The following SAMD12 variants were observed in gnomAD, a reference collection of about 807,000 sequenced individuals.
SAMD12 encodes the protein sterile alpha motif domain containing 12, also known as sterile alpha motif domain-containing protein 12.
A neutral mutation model predicts 15.0 loss-of-function variants in SAMD12; 9 were observed. That is an observed-to-expected ratio of 0.60 (90% CI 0.36 to 1.05). The LOEUF (loss-of-function observed/expected upper bound fraction) is 1.05, where lower values mean the gene tolerates loss of function less well. Among genes scored for constraint, SAMD12 ranks in the 50% least tolerant of loss-of-function variants. SAMD12 has a pLI of 0.01. For missense variants in SAMD12, 230 were observed against 234.2 expected (o/e 0.98, Z 0.12); for synonymous variants, 86 against 90.1 (o/e 0.96, Z 0.25).
the SAMD12 span, among the ~76,000 whole-genome samples, chr8:118,166,165 G>A: frequency 6.6e-6 from 1 of 152,102 alleles, no homozygotes; most frequent in African/African-American, 2.4e-5. Flanking sequence ...TATTGCTGTA[G>A]CTTCACTTGC....
chr8:118,327,505 T>C (rs1054966668), intron 4 of SAMD12, among the ~76,000 whole-genome samples: 1 of 152,142 alleles, frequency 6.6e-6, no homozygotes, highest in Non-Finnish European at 1.5e-5. Context: ...TGGAGAACAA[T>C]CAGCAGTCTC....
chr8:118,249,053 T>C (rs1323222656), intron 4 of SAMD12, among the ~76,000 whole-genome samples: 1 of 152,268 alleles, frequency 6.6e-6, no homozygotes, highest in East Asian at 1.9e-4. Flanking sequence ...TATTTGCATA[T>C]AACCTACTCA....
chr8:118,528,219 A>T (rs758641204), intron 2 of SAMD12, among the ~76,000 whole-genome samples: 3 of 152,018 alleles, frequency 2.0e-5, no homozygotes, highest in Non-Finnish European at 4.4e-5. Context: ...TTTAGTAGAG[A>T]TGGGGTTTAA....
At chr8:118,240,839 A>G (rs1812546455) in intron 4 of SAMD12, among the ~76,000 whole-genome samples, 2 of 152,150 alleles carry the variant, frequency 1.3e-5, no homozygotes, top group Admixed American at 6.6e-5. Context: ...GGACAAGCCA[A>G]GATTAAAGAG....
intron 4 of SAMD12, among the ~76,000 whole-genome samples, chr8:118,297,918 A>G (rs1586464264): frequency 6.6e-6 from 1 of 152,240 alleles, no homozygotes; most frequent in South Asian, 2.1e-4. Context: ...AAACAGCATT[A>G]TGCATTGTAG....
At chr8:118,546,834 T>C (rs1041731121) in intron 2 of SAMD12, among the ~76,000 whole-genome samples, 1 of 152,128 alleles carries the variant, frequency 6.6e-6, no homozygotes. Context: ...CAGCAAACAC[T>C]TGGTGCCTGG....
intron 4 of SAMD12, among the ~76,000 whole-genome samples, chr8:118,274,798 T>C (rs1308043292): frequency 6.6e-6 from 1 of 152,200 alleles, no homozygotes; most frequent in Non-Finnish European, 1.5e-5. Context: ...GTCCATTTGC[T>C]TTCCTCCTAT....
chr8:118,212,783 GCA>G (rs1811865299), intron 4 of SAMD12, among the ~76,000 whole-genome samples: 1 of 152,320 alleles, frequency 6.6e-6, no homozygotes, highest in Non-Finnish European at 1.5e-5. Context: ...ATGAAGATAT[GCA>G]CAATCACAGG....
At chr8:118,286,674 G>T (rs1814041338) in intron 4 of SAMD12, among the ~76,000 whole-genome samples, 1 of 152,304 alleles carries the variant, frequency 6.6e-6, no homozygotes, top group East Asian at 1.9e-4. Flanking sequence ...GGATTGATCA[G>T]GGGAGGAAGA....
chr8:118,348,663 C>T (rs1245875391), intron 4 of SAMD12, among the ~76,000 whole-genome samples: 1 of 152,210 alleles, frequency 6.6e-6, no homozygotes, highest in Non-Finnish European at 1.5e-5. Context: ...TGAGCCACCG[C>T]ACCCGGCCCG....
chr8:118,484,132 T>C (rs1033197579), intron 2 of SAMD12, among the ~76,000 whole-genome samples: 5 of 152,088 alleles, frequency 3.3e-5, no homozygotes, highest in African/African-American at 1.2e-4. Context: ...TAAGGGAACA[T>C]GGGAGCAGAG....
chr8:118,202,066 T>G (rs575873481), intron 4 of SAMD12, among the ~76,000 whole-genome samples: 59 of 152,330 alleles, frequency 3.9e-4, no homozygotes, highest in African/African-American at 1.3e-3. Context: ...TTTCCCAAGC[T>G]CATTTTCTTC....
the SAMD12 span, among the ~76,000 whole-genome samples, chr8:118,145,057 G>A: frequency 1.3e-5 from 2 of 152,162 alleles, no homozygotes; most frequent in Non-Finnish European, 2.9e-5. Context: ...ATTTTGAAAG[G>A]CTTTTAATGC....
the SAMD12 span, among the ~76,000 whole-genome samples, chr8:118,146,956 A>G: frequency 6.6e-6 from 1 of 152,164 alleles, no homozygotes; most frequent in African/African-American, 2.4e-5. Context: ...GGTGATTGCC[A>G]TTTCCATGCT....
At chr8:118,478,013 CAAA>C (rs10629817) in intron 2 of SAMD12, among the ~76,000 whole-genome samples, 2,916 of 88,244 alleles carry the variant, frequency 0.033, 94 homozygotes, top group African/African-American at 0.12. Context: ...GACCCTGTCT[CAAA>C]AAAAAAAAAA....
intron 4 of SAMD12, among the ~76,000 whole-genome samples, chr8:118,343,566 G>A (rs1009936789): frequency 5.3e-5 from 8 of 152,136 alleles, no homozygotes; most frequent in African/African-American, 1.7e-4. Context: ...TGGGATTAGG[G>A]TGAGCAAATT....
intron 1 of SAMD12, among the ~76,000 whole-genome samples, chr8:118,606,540 G>A (rs1406457397): frequency 6.6e-6 from 1 of 151,754 alleles, no homozygotes; most frequent in Non-Finnish European, 1.5e-5. Context: ...CAGAAAACAT[G>A]CAGATGCCAA....
chr8:118,409,806 G>A (rs1392475688), intron 3 of SAMD12, among the ~76,000 whole-genome samples: 1 of 151,878 alleles, frequency 6.6e-6, no homozygotes, highest in African/African-American at 2.4e-5. Flanking sequence ...GTAAGATAAT[G>A]AAGCTGGCAC....
intron 2 of SAMD12, among the ~76,000 whole-genome samples, chr8:118,509,583 T>C (rs1460697575): frequency 6.6e-6 from 1 of 152,124 alleles, no homozygotes; most frequent in Non-Finnish European, 1.5e-5. Context: ...TTTGCTAAAA[T>C]CCTGGACACT....
Sources: allele counts gnomAD v4.1 joint callset (sites outside exome capture counted in the v4.1 genomes callset), GRCh38; gene constraint gnomAD v4.1.1; transcripts MANE v1.5; gene names NCBI Gene and HGNC (gene_info 2026-07-23, HGNC 2026-07-21).